Variants in PPP1R16B observed in about 807,000 individuals in gnomAD.
PPP1R16B encodes protein phosphatase 1 regulatory subunit 16B, also known as protein phosphatase 1 regulatory inhibitor subunit 16B.
Under a neutral mutation model 61.7 loss-of-function variants are expected in PPP1R16B, and 14 were observed. That is an observed-to-expected ratio of 0.23 (90% confidence interval 0.15 to 0.35). The LOEUF (loss-of-function observed/expected upper bound fraction) is 0.35, where lower values mean the gene tolerates loss of function less well. Ranked by LOEUF, PPP1R16B falls within the 10% of genes least tolerant of loss-of-function variation. The probability of loss-of-function intolerance (pLI) is 1.00; values close to 1 mark genes in which losing one functional copy is unlikely to be tolerated. For synonymous variants in PPP1R16B, 266 were observed against 305.3 expected, an observed-to-expected ratio of 0.87 and a Z score of 1.34; for missense variants, 547 against 752.5, an observed-to-expected ratio of 0.73 and a Z score of 3.19.
chr20:38,835,045 T>C (rs1450270162), intron 1 of PPP1R16B, among the ~76,000 whole-genome samples: 2 of 152,236 alleles, frequency 1.3e-5, no homozygotes, highest in Non-Finnish European at 2.9e-5. Flanking sequence ...AAAAGGTTAG[T>C]AATATCTTAG....
chr20:38,902,771 A>G lies in PPP1R16B; in HGVS notation c.675A>G (p.Ile225Met). 3 of 1,614,222 alleles carry G rather than the reference A, an allele frequency of 1.9e-6. No homozygotes were observed. Among genetic ancestry groups the G allele is most frequent in the Non-Finnish European group, 2.5e-6 (3 of 1,180,028 alleles). ...MIAAGQDLDW[I>M]DAQGATLLHI... ...CAGCGGGCCAGGACCTGGACTGGAT[A>G]GATGCCCAGGGTGCCACACTGGTGA... The change falls in exon 6 of 11, where the codon ATA becomes ATG. Residue 225 changes from isoleucine to methionine, a missense_variant. By Grantham distance (10) the Ile-to-Met change is conservative (BLOSUM62 1). Transcript: ENST00000299824.
At chr20:38,822,619 C>T (rs2084780343) in intron 1 of PPP1R16B, among the ~76,000 whole-genome samples, 1 of 150,052 alleles carries the variant, frequency 6.7e-6, no homozygotes, top group Admixed American at 6.8e-5. Flanking sequence ...TGATCAATAG[C>T]TTTGTTCATT....
intron 2 of PPP1R16B, among the ~76,000 whole-genome samples, chr20:38,876,356 C>T (rs969332194): frequency 2.6e-5 from 4 of 152,148 alleles, no homozygotes; most frequent in Admixed American, 1.3e-4. Flanking sequence ...GAAATATTTT[C>T]GGCTGTGTGG....
At chr20:38,873,832 G>A (rs998787491) in intron 2 of PPP1R16B, among the ~76,000 whole-genome samples, 4 of 148,940 alleles carry the variant, frequency 2.7e-5, no homozygotes, top group Non-Finnish European at 4.4e-5. Flanking sequence ...GGGTTCAACC[G>A]ATTCTCCTAC....
chr20:38,918,669 T>A lies in PPP1R16B; in HGVS notation c.*3T>A. 6.7e-7 allele frequency: 1 copy of A among 1,500,034 alleles called. No homozygotes were observed. The highest frequency in any genetic ancestry group is 1.4e-5 in the South Asian group (1 of 72,638). The allele number at this position is 1,500,034 out of a possible 1,614,324, so 92.9% of individuals were successfully genotyped here. ...ATGGCTGTTGCCGTATCTCCTAGTCTCCGTGTGATGGAGGAGGGAGATGCC... is the reference window on the plus strand; with the variant it reads ...ATGGCTGTTGCCGTATCTCCTAGTCACCGTGTGATGGAGGAGGGAGATGCC... On this transcript the variant is annotated 3_prime_UTR_variant, in exon 11 of 11. Transcript: ENST00000299824. This position sits in a 1 kb window ranked among gnomAD's most constrained non-coding sequence, Gnocchi z 5.3.
chr20:38,833,207 G>T (rs896796998), intron 1 of PPP1R16B, among the ~76,000 whole-genome samples: 19 of 152,198 alleles, frequency 1.2e-4, no homozygotes, highest in Non-Finnish European at 2.6e-4. Flanking sequence ...AATCCTCAAA[G>T]GTTACCTGCT....
intron 2 of PPP1R16B, among the ~76,000 whole-genome samples, chr20:38,850,089 G>A (rs187452979): frequency 2.0e-5 from 3 of 152,314 alleles, no homozygotes; most frequent in East Asian, 1.9e-4. Context: ...CTGAGAAGAC[G>A]ACTATCAGCA....
intron 3 of PPP1R16B, among the ~76,000 whole-genome samples, chr20:38,893,785 ACT>A (rs1332302061): frequency 1.3e-5 from 2 of 151,748 alleles, no homozygotes; most frequent in Admixed American, 6.6e-5. Flanking sequence ...ATCTCACAAG[ACT>A]CTGCCATCTG....
At chr20:38,886,233 T>C (rs2085243872) in intron 2 of PPP1R16B, among the ~76,000 whole-genome samples, 1 of 152,176 alleles carries the variant, frequency 6.6e-6, no homozygotes, top group Admixed American at 6.5e-5. Context: ...TGAGGCAGCC[T>C]TGGCTCATGA....
chr20:38,879,977 T>C (rs775518995), intron 2 of PPP1R16B, among the ~76,000 whole-genome samples: 6 of 151,578 alleles, frequency 4.0e-5, no homozygotes, highest in Non-Finnish European at 7.4e-5. Flanking sequence ...AGCCTGGGAA[T>C]GCTCTTGTCC....
chr20:38,843,253 G>A (rs576309592), intron 2 of PPP1R16B, among the ~76,000 whole-genome samples: 22 of 152,378 alleles, frequency 1.4e-4, no homozygotes, highest in Non-Finnish European at 2.2e-4. Flanking sequence ...CTGCTTCTGC[G>A]TAGCAGATGA....
chr20:38,918,850 C>T lies in PPP1R16B; in HGVS notation c.*184C>T. 1 of 644,344 alleles carries T rather than the reference C, an allele frequency of 1.6e-6. No homozygotes were observed. Among genetic ancestry groups the T allele is most frequent in the Non-Finnish European group, 2.3e-6 (1 of 426,806 alleles). 39.9% of individuals were successfully genotyped at this position (644,344 alleles called of 1,614,324 possible). A position where few individuals can be genotyped will look rare whatever the true frequency, so the allele number is the denominator to read the frequency against. On this transcript the variant is annotated 3_prime_UTR_variant, in exon 11 of 11. Transcript: ENST00000299824. This position sits in a 1 kb window ranked among gnomAD's most constrained non-coding sequence, Gnocchi z 5.3. Reference sequence around the variant, plus strand: ...ATCCCATGTCCCACGTCCCGTGGTTCTGCTTCCTGCTGCATCGTCTGCCAT... The same window carrying T: ...ATCCCATGTCCCACGTCCCGTGGTTTTGCTTCCTGCTGCATCGTCTGCCAT...
chr20:38,836,001 G>T lies in PPP1R16B; in HGVS notation c.76G>T (p.Ala26Ser). Residue 26 changes from alanine (A) to serine (S), a missense_variant, in exon 2 of 11, where the codon GCC becomes TCC. Coordinates refer to ENST00000299824, the MANE Select transcript of PPP1R16B (RefSeq NM_015568.4). The stretch of plus-strand genomic sequence containing the variant: ...GCCCACGCTGGAGCGGCTGCGGGCT[G>T]CCCAGAAGCGCCGGGCCCAGCAGCT... ...KVPTLERLRAAQKRRAQQLKK... is the reference protein window; with the variant it reads ...KVPTLERLRASQKRRAQQLKK... 1 of 1,572,794 alleles carries T rather than the reference G, an allele frequency of 6.4e-7. No individual in the cohort carries two copies.
chr20:38,896,318 CTT>C (rs2085349156), intron 4 of PPP1R16B, among the ~76,000 whole-genome samples: 1 of 149,358 alleles, frequency 6.7e-6, no homozygotes, highest in South Asian at 2.1e-4. Context: ...TCCTTCCTCT[CTT>C]TTCTCTTTTT....
chr20:38,902,855 TG>T, intron 6 of PPP1R16B, 63 bp downstream of exon 6: 1 of 1,609,362 alleles, frequency 6.2e-7, no homozygotes, highest in Non-Finnish European at 8.5e-7. Flanking sequence ...CAGCACCTGG[TG>T]GGGACCAACC....
At position 38,902,694 on chromosome 20, in the gene PPP1R16B, A is replaced by G. The variant is rs755556432; in HGVS notation, c.598A>G (p.Met200Val). The G allele has an allele frequency of 1.9e-6, 3 of 1,614,214 alleles. No individual in the cohort carries two copies. In the East Asian group the frequency reaches 6.7e-5, roughly 36 times the overall value. The change falls in exon 6 of 11, where the codon ATG (methionine) becomes GTG (valine). Residue 200 changes from methionine (M) to valine (V), a missense_variant. Coordinates refer to ENST00000299824, the MANE Select transcript of PPP1R16B (RefSeq NM_015568.4). Reference protein sequence around the residue: ...QGITQEKINEMRVAPEQQMIA... With the variant: ...QGITQEKINEVRVAPEQQMIA... ...CATCACCCAAGAGAAAATCAACGAGATGCGGGTGGCTCCTGAGCAGCAGAT... is the reference window on the plus strand; with the variant it reads ...CATCACCCAAGAGAAAATCAACGAGGTGCGGGTGGCTCCTGAGCAGCAGAT...
intron 1 of PPP1R16B, among the ~76,000 whole-genome samples, chr20:38,823,686 C>T (rs535210411): frequency 1.3e-5 from 2 of 151,750 alleles, no homozygotes; most frequent in African/African-American, 4.8e-5. Context: ...AAAATGCTCA[C>T]TGAAAAAAGG....
rs1189219591 is a variant in PPP1R16B at position 38,920,432 on chromosome 20, C to T, written c.*1766C>T. ...ATGAGAAACTTGCCCTGAGGGGCAC[C>T]TGGGCTAGGGGCTTGGGACTGGAAG... On this transcript the variant is annotated 3_prime_UTR_variant, in exon 11 of 11. Transcript: ENST00000299824. 6.5e-6 allele frequency: 1 copy of T among 152,674 alleles called. No homozygotes were observed. Among genetic ancestry groups the T allele is most frequent in the African/African-American group, 2.4e-5 (1 of 41,460 alleles). 9.5% of individuals were successfully genotyped at this position (152,674 alleles called of 1,614,324 possible). A position where few individuals can be genotyped will look rare whatever the true frequency, so the allele number is the denominator to read the frequency against.
intron 1 of PPP1R16B, among the ~76,000 whole-genome samples, chr20:38,825,483 G>C (rs1793636557): frequency 6.6e-6 from 1 of 152,206 alleles, no homozygotes; most frequent in African/African-American, 2.4e-5. Flanking sequence ...AATAGAACAA[G>C]TACTTGCTAA....
Sources: gnomAD v4.1 joint callset for allele counts (sites outside exome capture counted in the v4.1 genomes callset) on GRCh38, gnomAD v4.1.1 for gene constraint, Gnocchi (gnomAD v3.1) non-coding constraint, MANE v1.5 for transcripts, NCBI Gene and HGNC (gene_info 2026-07-23, HGNC 2026-07-21) for gene names.